CADPS2: variants seen among roughly 807,000 people sequenced by gnomAD.
The protein encoded by CADPS2 is calcium dependent secretion activator 2, also known as calcium-dependent secretion activator 2.
Under a neutral mutation model 172.5 loss-of-function variants are expected in CADPS2, and 93 were observed. The observed-to-expected ratio is 0.54, with a 90% CI of 0.46 to 0.64. CADPS2 has a LOEUF of 0.64. Among genes scored for constraint, CADPS2 ranks in the 30% least tolerant of loss-of-function variants. The probability of loss-of-function intolerance (pLI) is 0.00; values close to 1 mark genes in which losing one functional copy is unlikely to be tolerated. For missense variants in CADPS2, 1,420 were observed against 1,565.9 expected (o/e 0.91, Z 1.57); for synonymous variants, 546 against 555.2 (o/e 0.98, Z 0.23).
At position 122,471,536 on chromosome 7, in the gene CADPS2, A is replaced by C; in HGVS notation, c.2025T>G (p.Phe675Leu). 1 of 1,605,870 alleles carries C rather than the reference A, an allele frequency of 6.2e-7. No individual in the cohort carries two copies. The highest frequency in any genetic ancestry group is 8.5e-7 in the Non-Finnish European group (1 of 1,175,904). ...AACGGGCACAGTACTCATCTAACAC[A>C]AAGACTTGGCCAGGGCTAAACCATC... Reference protein sequence around the residue: ...CLGWFSPGQVFVLDEYCARYG... With the variant: ...CLGWFSPGQVLVLDEYCARYG... The change falls in exon 14 of 30, where the codon TTT becomes TTG. Residue 675 changes from phenylalanine (F) to leucine (L), a missense_variant. Phe to Leu is a conservative substitution (Grantham distance 22, BLOSUM62 0). Coordinates refer to ENST00000449022, the MANE Select transcript of CADPS2 (RefSeq NM_017954.11).
intron 8 of CADPS2, 22 bp downstream of exon 8, chr7:122,554,528 A>C (rs1490472886): frequency 1.9e-6 from 3 of 1,549,244 alleles, no homozygotes; most frequent in Non-Finnish European, 2.6e-6. Flanking sequence ...TTCAGGAAAA[A>C]AATCCTCAAA....
chr7:122,836,874 CAG>C (rs1808628007), intron 1 of CADPS2, among the ~76,000 whole-genome samples: 1 of 151,922 alleles, frequency 6.6e-6, no homozygotes, highest in Non-Finnish European at 1.5e-5. Context: ...ATCAACGAGA[CAG>C]AAAGTTAACA....
intron 28 of CADPS2, among the ~76,000 whole-genome samples, chr7:122,337,230 C>T (rs2035987382): frequency 1.3e-5 from 2 of 152,162 alleles, no homozygotes; most frequent in Non-Finnish European, 2.9e-5. Flanking sequence ...TGCTGAGCAC[C>T]ATCAGGCAAC....
chr7:122,465,692 G>A (rs559976781), intron 14 of CADPS2, among the ~76,000 whole-genome samples: 16 of 152,122 alleles, frequency 1.1e-4, no homozygotes, highest in East Asian at 7.7e-4. Flanking sequence ...CTATGAAACC[G>A]GTCGCTGGTG....
At chr7:122,605,336 G>A (rs901081601) in intron 6 of CADPS2, among the ~76,000 whole-genome samples, 4 of 152,008 alleles carry the variant, frequency 2.6e-5, no homozygotes, top group African/African-American at 4.8e-5. Flanking sequence ...ACGATGTTAC[G>A]ACGGCTATGA....
chr7:122,372,752 T>C (rs1344548238), intron 25 of CADPS2, among the ~76,000 whole-genome samples: 1 of 152,202 alleles, frequency 6.6e-6, no homozygotes, highest in East Asian at 1.9e-4. Context: ...TTTGACAGTG[T>C]AGTAACAGTT....
At chr7:122,408,385 T>A (rs1301288961) in intron 19 of CADPS2, among the ~76,000 whole-genome samples, 1 of 152,166 alleles carries the variant, frequency 6.6e-6, no homozygotes, top group African/African-American at 2.4e-5. Context: ...TTATGAAAAG[T>A]GTTTGCTCAC....
At chr7:122,831,146 CT>C (rs962627959) in intron 1 of CADPS2, among the ~76,000 whole-genome samples, 6 of 152,154 alleles carry the variant, frequency 3.9e-5, no homozygotes, top group African/African-American at 1.4e-4. Context: ...CCTCCTTTTC[CT>C]TCTTTCTCTT....
chr7:122,621,821 ACT>A, intron 4 of CADPS2, 104 bp from the exon 5 acceptor site: 1 of 687,994 alleles, frequency 1.5e-6, no homozygotes. Context: ...AAATTACAAC[ACT>A]CTCAATATAT....
intron 5 of CADPS2, among the ~76,000 whole-genome samples, chr7:122,617,648 T>A (rs967659568): frequency 1.3e-5 from 2 of 152,082 alleles, no homozygotes; most frequent in Admixed American, 1.3e-4. Flanking sequence ...ATAAAAAAAA[T>A]GACACTGGGC....
At chr7:122,362,237 G>A (rs560236404) in intron 25 of CADPS2, among the ~76,000 whole-genome samples, 1 of 152,258 alleles carries the variant, frequency 6.6e-6, no homozygotes, top group South Asian at 2.1e-4. Context: ...CACATATAAG[G>A]ATCATCCCTG....
chr7:122,585,834 A>T (rs755831203), intron 6 of CADPS2: 15 of 151,988 alleles, frequency 9.9e-5, no homozygotes, highest in Admixed American at 3.9e-4. Flanking sequence ...ACTGACATTA[A>T]TTATGTATTT....
intron 3 of CADPS2, among the ~76,000 whole-genome samples, chr7:122,646,371 A>G (rs183970018): frequency 4.7e-4 from 72 of 152,228 alleles, no homozygotes; most frequent in Admixed American, 2.4e-3. Flanking sequence ...AAAGTACAAT[A>G]TGACAGGCTT....
intron 2 of CADPS2, among the ~76,000 whole-genome samples, chr7:122,708,777 T>C (rs2088110547): frequency 6.6e-6 from 1 of 151,720 alleles, no homozygotes. Flanking sequence ...CCTTATTCAG[T>C]CTACCGATTT....
chr7:122,560,106 A>T (rs1236931781), intron 7 of CADPS2, among the ~76,000 whole-genome samples: 1 of 152,156 alleles, frequency 6.6e-6, no homozygotes, highest in Non-Finnish European at 1.5e-5. Flanking sequence ...TGTGAGGGAC[A>T]TATCATGTTT....
At chr7:122,385,863 T>C (rs2043597420) in intron 24 of CADPS2, among the ~76,000 whole-genome samples, 1 of 152,092 alleles carries the variant, frequency 6.6e-6, no homozygotes, top group Admixed American at 6.6e-5. Context: ...AGGGGCTATA[T>C]GTCATCTAAA....
chr7:122,662,765 A>G (rs1453011307), intron 3 of CADPS2, among the ~76,000 whole-genome samples: 5 of 152,220 alleles, frequency 3.3e-5, no homozygotes, highest in Non-Finnish European at 7.3e-5. Context: ...TAGTTCAACT[A>G]TCATCCTCAA....
In CADPS2 at chr7:122,594,535, TC is replaced by T. The variant is rs562445907; in HGVS notation, c.1224-13246del. 6.3e-4 allele frequency among the ~76,000 whole-genome samples: 96 copies of T among 152,142 alleles called. 2 individuals carry two copies. In the East Asian group the frequency reaches 0.014, roughly 22 times the overall value. On this transcript the variant is annotated intron_variant, in intron 6 of 29. Transcript: ENST00000449022. Reference sequence around the variant, plus strand: ...AAAATTGTCCTTTAAAGTCTGTATTTCTTTTGTGAAGTATTCATGCCATTAA... The same window carrying T: ...AAAATTGTCCTTTAAAGTCTGTATTTTTTTGTGAAGTATTCATGCCATTAA...
At chr7:122,650,053 C>T (rs1042966892) in intron 3 of CADPS2, among the ~76,000 whole-genome samples, 2 of 150,578 alleles carry the variant, frequency 1.3e-5, no homozygotes, top group Non-Finnish European at 3.0e-5. Flanking sequence ...GGATTACATG[C>T]GCGTGCCACC....
Sources: allele counts gnomAD v4.1 joint callset (sites outside exome capture counted in the v4.1 genomes callset), GRCh38; gene constraint gnomAD v4.1.1; transcripts MANE v1.5; gene names NCBI Gene and HGNC (gene_info 2026-07-23, HGNC 2026-07-21).